The following CYTH1 variants were observed in gnomAD, a reference collection of about 807,000 sequenced individuals.
The protein encoded by CYTH1 is cytohesin 1.
In CYTH1, 18 loss-of-function variants were observed where a neutral mutation model predicts 61.8. That is an observed-to-expected ratio of 0.29 (90% CI 0.20 to 0.43). The LOEUF is 0.43. CYTH1 is among the 20% of genes least tolerant of loss of function. CYTH1 has a pLI of 1.00. For synonymous variants in CYTH1, 174 were observed against 184.3 expected, an observed-to-expected ratio of 0.94 and a Z score of 0.45; for missense variants, 336 against 510.5, an observed-to-expected ratio of 0.66 and a Z score of 3.29.
At chr17:78,724,661 C>T (rs2093255674) in intron 1 of CYTH1, among the ~76,000 whole-genome samples, 1 of 152,184 alleles carries the variant, frequency 6.6e-6, no homozygotes, top group Non-Finnish European at 1.5e-5. Context: ...TCTAGATAAA[C>T]AATGGAAGAG....
At chr17:78,687,337 T>C (rs968479144) in intron 11 of CYTH1, among the ~76,000 whole-genome samples, 2 of 152,156 alleles carry the variant, frequency 1.3e-5, no homozygotes, top group Non-Finnish European at 2.9e-5. Context: ...ATGTTGGGCG[T>C]GGAAGCAGGC....
At chr17:78,734,241 CAA>C in intron 1 of CYTH1, among the ~76,000 whole-genome samples, 1 of 127,532 alleles carries the variant, frequency 7.8e-6, no homozygotes, top group South Asian at 2.4e-4. Context: ...GACTCTGTCT[CAA>C]AAAAAAAAAG....
At chr17:78,767,536 T>C (rs1333866245) in intron 1 of CYTH1, among the ~76,000 whole-genome samples, 1 of 151,546 alleles carries the variant, frequency 6.6e-6, no homozygotes, top group East Asian at 2.1e-4. Flanking sequence ...AACAAACGGA[T>C]GAATAGATGA....
chr17:78,757,889 G>T (rs2093408073), intron 1 of CYTH1, among the ~76,000 whole-genome samples: 2 of 151,772 alleles, frequency 1.3e-5, no homozygotes, highest in African/African-American at 4.8e-5. Flanking sequence ...TCCAGCATGG[G>T]TGACAGAGCA....
intron 1 of CYTH1, among the ~76,000 whole-genome samples, chr17:78,744,022 C>T (rs1263811017): frequency 2.0e-5 from 3 of 152,150 alleles, no homozygotes; most frequent in African/African-American, 7.2e-5. Flanking sequence ...TAAAACTGAC[C>T]ACCAGTATTT....
chr17:78,694,402 G>A (rs1212894169), intron 10 of CYTH1, among the ~76,000 whole-genome samples: 1 of 152,180 alleles, frequency 6.6e-6, no homozygotes, highest in Non-Finnish European at 1.5e-5. Context: ...GTCCCTAAAG[G>A]TTAGATGGCA....
chr17:78,707,683 T>A (rs1053879482), intron 3 of CYTH1, among the ~76,000 whole-genome samples: 2 of 116,122 alleles, frequency 1.7e-5, no homozygotes, highest in Non-Finnish European at 3.9e-5. Context: ...TCCAGTTCAA[T>A]TTTTTTTTTT....
chr17:78,708,961 CT>C (rs1218528656), intron 2 of CYTH1: 17 of 152,464 alleles, frequency 1.1e-4, no homozygotes, highest in African/African-American at 4.1e-4. Flanking sequence ...GGATTCCCTC[CT>C]TAACCCCACT....
rs982826591 is a variant in CYTH1, at chr17:78,677,973, GT to G, written c.1119-1805del. On this transcript the variant is annotated intron_variant, in intron 13 of 13. Transcript: ENST00000446868. ...TTACTCAACTTTGCTGTGCCTCAGTGTCCCTCATCTGTGAAATGGGGATAAT... is the reference window on the plus strand; with the variant it reads ...TTACTCAACTTTGCTGTGCCTCAGTGCCCTCATCTGTGAAATGGGGATAAT... 2.0e-5 allele frequency: 3 copies of G among 152,422 alleles called. No individual in the cohort carries two copies. In the East Asian group the frequency reaches 5.8e-4, roughly 29 times the overall value. The allele number at this position is 152,422 out of a possible 1,614,324, so 9.4% of individuals were successfully genotyped here.
chr17:78,699,634 G>A (rs984793294), intron 7 of CYTH1, among the ~76,000 whole-genome samples: 22 of 151,996 alleles, frequency 1.4e-4, no homozygotes, highest in Admixed American at 9.2e-4. Flanking sequence ...TTTCCTCTAC[G>A]TAAATATGAC....
intron 1 of CYTH1, among the ~76,000 whole-genome samples, chr17:78,758,889 T>C (rs2093412075): frequency 6.6e-6 from 1 of 152,120 alleles, no homozygotes; most frequent in African/African-American, 2.4e-5. Context: ...ATTCCTGCTA[T>C]TTGCTGTGCG....
rs1156638925 is a variant in CYTH1 at position 78,741,442 on chromosome 17, T to C, written c.23-31710A>G. Among the ~76,000 whole-genome samples, 3 of 152,196 alleles carry C rather than the reference T, an allele frequency of 2.0e-5. No homozygotes were observed. In the East Asian group the frequency reaches 5.8e-4, roughly 29 times the overall value. ...ATATAATATTCTAGGGAAGGTTTGTTTTTTGAAAGCATAATACCCATATCA... is the reference window on the plus strand; with the variant it reads ...ATATAATATTCTAGGGAAGGTTTGTCTTTTGAAAGCATAATACCCATATCA... On this transcript the variant is annotated intron_variant, in intron 1 of 13. Transcript: ENST00000446868.
intron 1 of CYTH1, among the ~76,000 whole-genome samples, chr17:78,764,189 T>A (rs967412779): frequency 3.3e-5 from 5 of 150,888 alleles, no homozygotes; most frequent in Non-Finnish European, 7.4e-5. Context: ...AATATTTCCA[T>A]CTAAATGTCT....
At chr17:78,780,686 C>A (rs897521490) in intron 1 of CYTH1, among the ~76,000 whole-genome samples, 7 of 152,132 alleles carry the variant, frequency 4.6e-5, no homozygotes, top group African/African-American at 1.4e-4. Context: ...GCCTGGGTAA[C>A]ATGGCAAGAC....
chr17:78,751,960 CCCTGACCTCGAATGATCTG>C (rs1189093981), intron 1 of CYTH1, among the ~76,000 whole-genome samples: 1 of 152,080 alleles, frequency 6.6e-6, no homozygotes, highest in Non-Finnish European at 1.5e-5. Context: ...GGTTTCGAAA[CCCTGACCTCGAATGATCTG>C]CCTGCCACGG....
At chr17:78,773,553 C>T (rs957282043) in intron 1 of CYTH1, among the ~76,000 whole-genome samples, 5 of 150,886 alleles carry the variant, frequency 3.3e-5, no homozygotes, top group African/African-American at 1.2e-4. Context: ...TGCTTGAACC[C>T]GGGAGGCAGA....
At chr17:78,731,419 G>C (rs1454109822) in intron 1 of CYTH1, among the ~76,000 whole-genome samples, 3 of 152,166 alleles carry the variant, frequency 2.0e-5, no homozygotes, top group Non-Finnish European at 4.4e-5. Flanking sequence ...AAGTTCTTCT[G>C]AAGGTAAACA....
At position 78,684,544 on chromosome 17, in the gene CYTH1, T is replaced by C. The variant is rs567911527; in HGVS notation, c.892-3502A>G. Among the ~76,000 whole-genome samples the C allele has an allele frequency of 5.9e-5, 9 of 152,304 alleles. No individual in the cohort carries two copies. The South Asian group carries it at 1.9e-3, about 32-fold the overall frequency. ...TTTTTAAATTTGTCTTTAAGAACAA[T>C]CACTGTTGCTGTAAAAATACGAATT... On this transcript the variant is annotated intron_variant, in intron 11 of 13. Transcript: ENST00000446868.
At chr17:78,733,076 C>CAAAA (rs56020680) in intron 1 of CYTH1, among the ~76,000 whole-genome samples, 23 of 47,724 alleles carry the variant, frequency 4.8e-4, no homozygotes, top group African/African-American at 1.3e-3. Flanking sequence ...GACTCCATCT[C>CAAAA]AAAAAAAAAA....
Sources: allele counts gnomAD v4.1 joint callset (sites outside exome capture counted in the v4.1 genomes callset), GRCh38; gene constraint gnomAD v4.1.1; transcripts MANE v1.5; gene names NCBI Gene and HGNC (gene_info 2026-07-23, HGNC 2026-07-21).